SATL1: variants seen among roughly 807,000 people sequenced by gnomAD.
SATL1 encodes spermidine/spermine N1-acetyl transferase like 1, also known as spermidine/spermine N(1)-acetyltransferase-like protein 1.
SATL1 carries 47 observed loss-of-function variants against 51.8 expected under a neutral mutation model. The ratio of observed to expected loss-of-function variants is 0.91; its 90% CI spans 0.72 to 1.16. SATL1 has a LOEUF of 1.16. Among genes scored for constraint, SATL1 ranks in the 50% most tolerant of loss-of-function variants. The pLI is 0.00. For missense variants in SATL1, 520 were observed against 526.4 expected, an observed-to-expected ratio of 0.99 and a Z score of 0.12; for synonymous variants, 176 against 182.4, an observed-to-expected ratio of 0.97 and a Z score of 0.28.
chrX:85,148,465 T>C (rs1398168051), intron 2 of SATL1, among the ~76,000 whole-genome samples: 3 of 109,984 alleles, frequency 2.7e-5, no homozygotes, highest in Non-Finnish European at 3.8e-5. Context: ...ATACAGAGAA[T>C]GCCACAAAGA....
At chrX:85,129,241 A>G (rs920711546) in intron 2 of SATL1, among the ~76,000 whole-genome samples, 12 of 111,874 alleles carry the variant, frequency 1.1e-4, no homozygotes, top group Admixed American at 2.8e-4. Context: ...CTTGGGCAGA[A>G]TGGCCATTTT....
At chrX:85,167,922 T>C (rs986447040) in intron 2 of SATL1, among the ~76,000 whole-genome samples, 3 of 110,782 alleles carry the variant, frequency 2.7e-5, no homozygotes, top group Non-Finnish European at 5.7e-5. Flanking sequence ...CAAAGCCTAC[T>C]TGTCCATCAC....
chrX:85,224,124 C>T (rs1433878589), intron 2 of SATL1, 81 bp downstream of exon 2: 1 of 111,653 alleles, frequency 9.0e-6, no homozygotes, highest in Non-Finnish European at 1.9e-5. Context: ...TCTCACGGTT[C>T]TGGAGGCCAG....
chrX:85,120,575 G>A (rs1393848660), intron 2 of SATL1, among the ~76,000 whole-genome samples: 3 of 111,651 alleles, frequency 2.7e-5, no homozygotes, highest in Non-Finnish European at 5.7e-5. Context: ...TATGTTAATG[G>A]TGGTTGATGA....
chrX:85,220,803 A>C (rs1928161222), intron 2 of SATL1, among the ~76,000 whole-genome samples: 2 of 109,634 alleles, frequency 1.8e-5, no homozygotes, highest in Non-Finnish European at 3.8e-5. Context: ...AATTAGGAAA[A>C]GAAAAAAGAG....
At chrX:85,097,373 G>A (rs749630719) in intron 4 of SATL1, among the ~76,000 whole-genome samples, 4 of 112,089 alleles carry the variant, frequency 3.6e-5, no homozygotes, top group East Asian at 2.8e-4. Context: ...ACAGAGTCTT[G>A]CTCACCCAGG....
chrX:85,109,221 C>T lies in SATL1; in HGVS notation c.-253G>A, dbSNP rs1602838280. ...AATGCCTCCGGTTTGCTGGAGTTGA[C>T]TTCACCAGCGACCACAGCTGCAAGC... is the stretch of plus-strand genomic sequence containing the variant. On this transcript the variant is annotated 5_prime_UTR_variant, in exon 3 of 8. Coordinates refer to ENST00000644105, the MANE Select transcript of SATL1 (RefSeq NM_001367857.2). The T allele has an allele frequency of 2.5e-6, 1 of 392,529 alleles. No individual in the cohort carries two copies. The highest frequency in any genetic ancestry group is 4.1e-5 in the East Asian group (1 of 24,652). The allele number at this position is 392,529 out of a possible 1,213,427, so 32.3% of individuals were successfully genotyped here.
intron 2 of SATL1, chrX:85,211,158 A>C (rs1927914115): frequency 8.9e-6 from 1 of 112,196 alleles, no homozygotes; most frequent in South Asian, 3.7e-4. Context: ...AACTGTTATC[A>C]AAGTGGCTAC....
At chrX:85,116,206 C>G (rs913150041) in intron 2 of SATL1, 6 of 111,283 alleles carry the variant, frequency 5.4e-5, no homozygotes, top group Non-Finnish European at 9.4e-5. Context: ...GTGGTGAATC[C>G]ATGTGGGTCT....
chrX:85,125,858 T>C (rs971796442), intron 2 of SATL1, among the ~76,000 whole-genome samples: 4 of 110,712 alleles, frequency 3.6e-5, no homozygotes, highest in Admixed American at 9.7e-5. Context: ...TTATGAATTA[T>C]GATCTGTCTT....
intron 2 of SATL1, among the ~76,000 whole-genome samples, chrX:85,138,611 C>T (rs2147712053): frequency 8.9e-6 from 1 of 111,941 alleles, no homozygotes; most frequent in Non-Finnish European, 1.9e-5. Flanking sequence ...GGTTTCTGCT[C>T]CAGCTAAATT....
chrX:85,178,627 AAAAC>A (rs200030021), intron 2 of SATL1, among the ~76,000 whole-genome samples: 3,073 of 107,624 alleles, frequency 0.029, 89 homozygotes, highest in African/African-American at 0.083. Context: ...AAAAAAAACA[AAAAC>A]AAACAAACAA....
At chrX:85,119,045 T>G (rs763707794) in intron 2 of SATL1, among the ~76,000 whole-genome samples, 1 of 111,973 alleles carries the variant, frequency 8.9e-6, no homozygotes, top group Admixed American at 9.5e-5. Context: ...GCCAAGCTGT[T>G]TGAGGCAATG....
At chrX:85,195,385 G>T (rs1434993206) in intron 2 of SATL1, among the ~76,000 whole-genome samples, 3 of 111,428 alleles carry the variant, frequency 2.7e-5, no homozygotes, top group Non-Finnish European at 5.6e-5. Flanking sequence ...TTAGAAGATT[G>T]AGTGTTAAGA....
intron 1 of SATL1, among the ~76,000 whole-genome samples, chrX:85,229,345 A>T (rs1288426493): frequency 8.9e-6 from 1 of 111,799 alleles, no homozygotes; most frequent in Non-Finnish European, 1.9e-5. Context: ...CCAGAGACAT[A>T]CAAAGATACT....
At chrX:85,212,058 A>C (rs1039094366) in intron 2 of SATL1, 1 of 111,633 alleles carries the variant, frequency 9.0e-6, no homozygotes, top group Non-Finnish European at 1.9e-5. Context: ...GAAGAACTGT[A>C]TCTCCACTTC....
chrX:85,129,163 G>GT lies in SATL1; in HGVS notation c.-312-19884dup, dbSNP rs774539213. On this transcript the variant is annotated intron_variant, in intron 2 of 7. Coordinates refer to ENST00000644105, the MANE Select transcript of SATL1 (RefSeq NM_001367857.2). ...TTGGTTCTACATGAACTTTAAAGTA[G>GT]TTTTTTCCAATTCTGTGAAGAAAGT... Among the ~76,000 whole-genome samples the GT allele has an allele frequency of 8.1e-4, 91 of 111,907 alleles. No individual in the cohort carries two copies. In the East Asian group the frequency reaches 0.02, roughly 25 times the overall value.
Position 85,228,295 on chromosome X carries a change from C to T in SATL1, c.-434-3969G>A, listed in dbSNP as rs757424258. Among the ~76,000 whole-genome samples, 3 of 111,057 alleles carry T rather than the reference C, an allele frequency of 2.7e-5. No individual in the cohort carries two copies. In the South Asian group the frequency reaches 1.1e-3, roughly 42 times the overall value. On this transcript the variant is annotated intron_variant, in intron 1 of 7. Transcript: ENST00000644105. ...TTCATTTGTGTACTAGAACACATAC[C>T]TTCTCCCTATTCAAAGATGTCATTC...
At chrX:85,227,427 C>G (rs1303631509) in intron 1 of SATL1, among the ~76,000 whole-genome samples, 1 of 112,020 alleles carries the variant, frequency 8.9e-6, no homozygotes, top group Non-Finnish European at 1.9e-5. Flanking sequence ...AACACCCAAT[C>G]AATTAATAGA....
Sources: allele counts gnomAD v4.1 joint callset (sites outside exome capture counted in the v4.1 genomes callset), GRCh38; gene constraint gnomAD v4.1.1; transcripts MANE v1.5; gene names NCBI Gene and HGNC (gene_info 2026-07-23, HGNC 2026-07-21).